The following BRINP2 variants were observed in gnomAD, a reference collection of about 807,000 sequenced individuals.
The protein encoded by BRINP2 is BMP/retinoic acid inducible neural specific 2.
A neutral mutation model predicts 69.2 loss-of-function variants in BRINP2; 21 were observed. That is an observed-to-expected ratio of 0.30 (90% CI 0.22 to 0.44). The LOEUF is 0.44. BRINP2 is among the 20% of genes least tolerant of loss of function. BRINP2 has a pLI of 1.00. For missense variants in BRINP2, 877 were observed against 986.0 expected, an observed-to-expected ratio of 0.89 and a Z score of 1.48; for synonymous variants, 380 against 394.1, an observed-to-expected ratio of 0.96 and a Z score of 0.42.
Position 177,192,220 on chromosome 1 carries a change from A to G in BRINP2, c.-77+20488A>G, listed in dbSNP as rs539306183. On this transcript the variant is annotated intron_variant, in intron 1 of 7. Coordinates refer to ENST00000361539, the MANE Select transcript of BRINP2 (RefSeq NM_021165.4). ...TCATCTTTGGTGGGAATCTTCATCA[A>G]TCTCCTAAAGTTAAGAGTGTTCTGA... 2.0e-5 allele frequency among the ~76,000 whole-genome samples: 3 copies of G among 152,246 alleles called. No individual in the cohort carries two copies. The South Asian group carries it at 6.2e-4, about 32-fold the overall frequency.
At chr1:177,173,070 G>T (rs1398651246) in intron 1 of BRINP2, among the ~76,000 whole-genome samples, 2 of 152,152 alleles carry the variant, frequency 1.3e-5, no homozygotes, top group Non-Finnish European at 2.9e-5. Flanking sequence ...TCAGGCAACA[G>T]CAAAGTGATG....
At chr1:177,213,773 A>C (rs1649295057) in intron 1 of BRINP2, among the ~76,000 whole-genome samples, 1 of 152,182 alleles carries the variant, frequency 6.6e-6, no homozygotes, top group South Asian at 2.1e-4. Context: ...TCTTTCAAAA[A>C]AACTAAATCA....
intron 2 of BRINP2, among the ~76,000 whole-genome samples, chr1:177,242,653 C>A (rs1650241634): frequency 1.3e-5 from 2 of 152,160 alleles, no homozygotes; most frequent in South Asian, 4.1e-4. Context: ...ACCATACGAA[C>A]TTATTTTTGT....
At chr1:177,201,120 GAA>G (rs1276836634) in intron 1 of BRINP2, among the ~76,000 whole-genome samples, 1 of 151,872 alleles carries the variant, frequency 6.6e-6, no homozygotes, top group Non-Finnish European at 1.5e-5. Context: ...CAAAATCTCA[GAA>G]ATCACCAATG....
At chr1:177,274,234 G>T (rs1651423050) in intron 5 of BRINP2, among the ~76,000 whole-genome samples, 1 of 152,166 alleles carries the variant, frequency 6.6e-6, no homozygotes, top group African/African-American at 2.4e-5. Flanking sequence ...GGAGGCTGAG[G>T]GCTAAGGGGA....
chr1:177,216,084 T>C (rs553969416), intron 1 of BRINP2, among the ~76,000 whole-genome samples: 1 of 152,228 alleles, frequency 6.6e-6, no homozygotes, highest in East Asian at 1.9e-4. Flanking sequence ...CTATGTCTTT[T>C]GATTGGAGAA....
At chr1:177,248,488 T>TGC (rs1491083906) in intron 2 of BRINP2, among the ~76,000 whole-genome samples, 3 of 150,764 alleles carry the variant, frequency 2.0e-5, no homozygotes, top group African/African-American at 7.4e-5. Flanking sequence ...TGTGTGTGTG[T>TGC]GCGTGCGTGT....
intron 1 of BRINP2, among the ~76,000 whole-genome samples, chr1:177,172,454 T>C (rs1435009331): frequency 6.6e-6 from 1 of 152,150 alleles, no homozygotes; most frequent in Admixed American, 6.5e-5. Context: ...GGTGTGTGTA[T>C]GTATGTGTGC....
At chr1:177,276,111 C>A in intron 5 of BRINP2, 87 bp from the exon 6 acceptor site, 1 of 1,277,288 alleles carries the variant, frequency 7.8e-7, no homozygotes, top group Non-Finnish European at 1.1e-6. Context: ...CAGCAGAACT[C>A]CAGCTGGGAT....
intron 1 of BRINP2, among the ~76,000 whole-genome samples, chr1:177,221,414 T>C (rs1166006077): frequency 1.3e-5 from 2 of 152,160 alleles, no homozygotes; most frequent in African/African-American, 4.8e-5. Context: ...AGGCTTAGTG[T>C]TAAGAGACCC....
At chr1:177,174,686 G>A (rs1297923259) in intron 1 of BRINP2, among the ~76,000 whole-genome samples, 1 of 152,198 alleles carries the variant, frequency 6.6e-6, no homozygotes, top group Non-Finnish European at 1.5e-5. Flanking sequence ...CTGTTGGGAA[G>A]TTTGGAAACT....
chr1:177,253,323 C>T (rs1029900841), intron 2 of BRINP2, among the ~76,000 whole-genome samples: 5 of 152,106 alleles, frequency 3.3e-5, no homozygotes, highest in Admixed American at 3.3e-4. Flanking sequence ...TTATCATATA[C>T]CTGCTGGCCA....
intron 1 of BRINP2, among the ~76,000 whole-genome samples, chr1:177,186,699 T>C (rs1211783449): frequency 6.6e-6 from 1 of 152,150 alleles, no homozygotes; most frequent in African/African-American, 2.4e-5. Flanking sequence ...CTGGGCCTTA[T>C]AATACAACCA....
intron 5 of BRINP2, 74 bp downstream of exon 5, chr1:177,273,667 G>A: frequency 1.1e-6 from 1 of 946,476 alleles, no homozygotes; most frequent in Non-Finnish European, 1.5e-6. Context: ...TCAAATAGCG[G>A]GAAAAAATTC....
chr1:177,213,858 A>T (rs934929960), intron 1 of BRINP2, among the ~76,000 whole-genome samples: 1 of 152,222 alleles, frequency 6.6e-6, no homozygotes, highest in Non-Finnish European at 1.5e-5. Context: ...TTCTTTGTCT[A>T]ATAAACATTA....
intron 4 of BRINP2, among the ~76,000 whole-genome samples, chr1:177,265,069 A>G (rs564021304): frequency 6.6e-6 from 1 of 152,250 alleles, no homozygotes; most frequent in Non-Finnish European, 1.5e-5. Context: ...ACAAGGCTAC[A>G]GTAACCGAAA....
Position 177,280,659 on chromosome 1 carries a change from G to A in BRINP2, c.1483G>A (p.Val495Met), listed in dbSNP as rs1304527529. Residue 495 changes from valine (V) to methionine (M), a missense_variant, in exon 8 of 8, where the codon GTG becomes ATG. Transcript: ENST00000361539. ...VLAQGLCRPE[V>M]AESLENFLGL... ...GGCCCAGGGGCTGTGCCGGCCAGAG[G>A]TGGCCGAGTCCCTGGAAAACTTTCT... The A allele has an allele frequency of 6.8e-6, 11 of 1,614,136 alleles. No individual in the cohort carries two copies. The highest frequency in any genetic ancestry group is 1.6e-4 in the Middle Eastern group (1 of 6,082).
chr1:177,216,644 G>T (rs1239067080), intron 1 of BRINP2, among the ~76,000 whole-genome samples: 1 of 107,892 alleles, frequency 9.3e-6, no homozygotes, highest in African/African-American at 3.6e-5. Context: ...TCAGTTAAAA[G>T]AACTCTCTTT....
In BRINP2 at chr1:177,256,422, G is replaced by C. The variant is rs888574141; in HGVS notation, c.460+313G>C. 2.5e-5 allele frequency: 25 copies of C among 985,292 alleles called. No individual in the cohort carries two copies. In the South Asian group the frequency reaches 1.1e-3, roughly 44 times the overall value. 61.0% of individuals were successfully genotyped at this position (985,292 alleles called of 1,614,324 possible). On this transcript the variant is annotated intron_variant, in intron 3 of 7. Transcript: ENST00000361539. ...TGAGTCACCCAACCCCTGAGGCTTC[G>C]CCACTTTCTAATGTTTGCTGTGGCT...
Sources: gnomAD v4.1 joint callset for allele counts (sites outside exome capture counted in the v4.1 genomes callset) on GRCh38, gnomAD v4.1.1 for gene constraint, MANE v1.5 for transcripts, NCBI Gene and HGNC (gene_info 2026-07-23, HGNC 2026-07-21) for gene names.